ARMH3: variants seen among roughly 807,000 people sequenced by gnomAD.
The protein encoded by ARMH3 is armadillo-like helical domain-containing protein 3.
Under a neutral mutation model 99.1 loss-of-function variants are expected in ARMH3, and 60 were observed. The observed-to-expected ratio is 0.61, with a 90% CI of 0.49 to 0.75. The LOEUF (loss-of-function observed/expected upper bound fraction) is 0.75. ARMH3 is among the 30% of genes least tolerant of loss of function. The pLI, the probability that ARMH3 is intolerant of heterozygous loss-of-function variation, is 0.00. For synonymous variants in ARMH3, 285 were observed against 292.8 expected, an observed-to-expected ratio of 0.97 and a Z score of 0.27; for missense variants, 679 against 843.1, an observed-to-expected ratio of 0.81 and a Z score of 2.41.
At chr10:101,960,752 C>T (rs1222260125) in intron 20 of ARMH3, among the ~76,000 whole-genome samples, 11 of 151,570 alleles carry the variant, frequency 7.3e-5, no homozygotes, top group African/African-American at 2.4e-4. Flanking sequence ...TAGCCAGGCA[C>T]GGTGGCGGGC....
At chr10:101,942,368 G>A (rs1256501015) in intron 22 of ARMH3, among the ~76,000 whole-genome samples, 1 of 152,144 alleles carries the variant, frequency 6.6e-6, no homozygotes, top group African/African-American at 2.4e-5. Context: ...GGTAGTACTA[G>A]AACCAAGGAA....
chr10:101,989,559 A>G (rs1846672247), intron 19 of ARMH3, among the ~76,000 whole-genome samples: 1 of 151,988 alleles, frequency 6.6e-6, no homozygotes. Context: ...CATCTCTAGT[A>G]AAAATACAAA....
At chr10:101,941,476 C>T (rs1392937360) in intron 22 of ARMH3, among the ~76,000 whole-genome samples, 1 of 152,134 alleles carries the variant, frequency 6.6e-6, no homozygotes, top group African/African-American at 2.4e-5. Context: ...TCACTATGTA[C>T]GCCTGACCAA....
At chr10:102,029,499 A>C (rs1476397305) in intron 5 of ARMH3, 139 bp downstream of exon 5, 2 of 1,569,278 alleles carry the variant, frequency 1.3e-6, no homozygotes, top group Admixed American at 3.8e-5. Flanking sequence ...GTGAAATAAA[A>C]ACATCTAAAT....
rs1205043058 is a variant in ARMH3 at position 101,904,877 on chromosome 10, G to A, written c.1782-15387C>T. Among the ~76,000 whole-genome samples, 12 of 151,270 alleles carry A rather than the reference G, an allele frequency of 7.9e-5. No homozygotes were observed. In the South Asian group the frequency reaches 8.3e-4, roughly 11 times the overall value. ...TGAGGCAGGAGAATCACTTGAACTC[G>A]GGAGGCAGAGGTTGCAGTGAGCCAA... On this transcript the variant is annotated intron_variant, in intron 23 of 25. Transcript: ENST00000370033.
intron 19 of ARMH3, among the ~76,000 whole-genome samples, chr10:101,975,809 G>A (rs1453555212): frequency 2.7e-5 from 4 of 150,060 alleles, no homozygotes; most frequent in East Asian, 2.0e-4. Flanking sequence ...GCAGTGAGTC[G>A]AGATCGTGCC....
At position 101,873,012 on chromosome 10, in the gene ARMH3, T is replaced by A. The variant is rs552862891; in HGVS notation, c.1860+16400A>T. ...TATACTACATACCCAATGGCTAAAATTAAAGACTCATAATTCCCAGTGTGG... is the reference window on the plus strand; with the variant it reads ...TATACTACATACCCAATGGCTAAAAATAAAGACTCATAATTCCCAGTGTGG... On this transcript the variant is annotated intron_variant, in intron 24 of 25. Coordinates refer to ENST00000370033, the MANE Select transcript of ARMH3 (RefSeq NM_024541.3). Among the ~76,000 whole-genome samples, 3 of 151,796 alleles carry A rather than the reference T, an allele frequency of 2.0e-5. No individual in the cohort carries two copies. In the East Asian group the frequency reaches 5.8e-4, roughly 29 times the overall value.
intron 23 of ARMH3, among the ~76,000 whole-genome samples, chr10:101,895,436 C>T (rs1283323345): frequency 2.0e-5 from 3 of 152,052 alleles, no homozygotes; most frequent in Non-Finnish European, 2.9e-5. Flanking sequence ...CCCGCCACCA[C>T]GCCCGGCTAA....
intron 23 of ARMH3, among the ~76,000 whole-genome samples, chr10:101,927,351 G>C: frequency 6.6e-6 from 1 of 152,146 alleles, no homozygotes; most frequent in Non-Finnish European, 1.5e-5. Flanking sequence ...GAGAAGGAGA[G>C]AATGTACTCT....
rs1368049792 is a variant in ARMH3, at chr10:102,040,007, C to A, written c.102+6G>T. 2 of 1,612,304 alleles carry A rather than the reference C, an allele frequency of 1.2e-6. No homozygotes were observed. Among genetic ancestry groups the A allele is most frequent in the Admixed American group, 3.3e-5 (2 of 60,028 alleles). Reference sequence around the variant, plus strand: ...AAGCTGTACACAACAAGGCCGCAGGCCTTACCATGAAGATCTCATCATACA... The same window carrying A: ...AAGCTGTACACAACAAGGCCGCAGGACTTACCATGAAGATCTCATCATACA... On this transcript the variant is annotated splice_donor_region_variant and intron_variant, in intron 2 of 25. Coordinates refer to ENST00000370033, the MANE Select transcript of ARMH3 (RefSeq NM_024541.3).
chr10:101,985,659 A>G (rs1564821935), intron 19 of ARMH3, among the ~76,000 whole-genome samples: 1 of 152,042 alleles, frequency 6.6e-6, no homozygotes, highest in Non-Finnish European at 1.5e-5. Flanking sequence ...AGTTAGAGTG[A>G]GCCATAATCG....
At chr10:101,993,848 C>T (rs1007162196) in intron 16 of ARMH3, among the ~76,000 whole-genome samples, 6 of 152,162 alleles carry the variant, frequency 3.9e-5, no homozygotes, top group East Asian at 1.9e-4. Flanking sequence ...AAAATTAAGA[C>T]GCAGGGACTT....
intron 22 of ARMH3, 107 bp downstream of exon 22, chr10:101,956,490 C>T: frequency 7.1e-7 from 1 of 1,413,106 alleles, no homozygotes; most frequent in Non-Finnish European, 9.7e-7. Flanking sequence ...TTCTGTGCCA[C>T]ACAGGGCACC....
chr10:102,046,103 AT>A (rs1189863316), intron 1 of ARMH3, among the ~76,000 whole-genome samples: 2 of 151,898 alleles, frequency 1.3e-5, no homozygotes, highest in Non-Finnish European at 2.9e-5. Context: ...TTCAAAAAAA[AT>A]AAAAATAAAA....
rs7091227 is a variant in ARMH3, at chr10:102,025,156, G to A, written c.507C>T (p.Thr169=). 4.9e-4 allele frequency: 788 copies of A among 1,610,534 alleles called. 4 individuals are homozygous for A. In the African/African-American group the frequency reaches 8.5e-3, roughly 17 times the overall value. ...LCLKLLLCLV[T]VTDNISQNTI... ...CCCTTGACAAACATAGGTCACTTACGGTCACTAAGCAAAGGAGAAGTTTCA... is the reference window on the plus strand; with the variant it reads ...CCCTTGACAAACATAGGTCACTTACAGTCACTAAGCAAAGGAGAAGTTTCA... Residue 169 remains threonine (T), a splice_region_variant and synonymous_variant, in exon 6 of 26, where the codon ACC becomes ACT. Transcript: ENST00000370033.
intron 23 of ARMH3, among the ~76,000 whole-genome samples, chr10:101,929,171 G>C (rs1034402066): frequency 6.6e-6 from 1 of 152,294 alleles, no homozygotes; most frequent in Admixed American, 6.5e-5. Context: ...TCTAAGTACT[G>C]TGTCCTTTCA....
chr10:101,912,569 T>G (rs1354448800), intron 23 of ARMH3, among the ~76,000 whole-genome samples: 1 of 152,216 alleles, frequency 6.6e-6, no homozygotes, highest in African/African-American at 2.4e-5. Flanking sequence ...TAGTAACTTG[T>G]AGACTCCATC....
At chr10:101,850,104 T>C (rs1180211850) in intron 24 of ARMH3, among the ~76,000 whole-genome samples, 1 of 145,596 alleles carries the variant, frequency 6.9e-6, no homozygotes, top group East Asian at 2.0e-4. Context: ...TTTTTTTTTT[T>C]TTTTTTTTTT....
chr10:101,885,463 T>C (rs1342592400), intron 24 of ARMH3, among the ~76,000 whole-genome samples: 1 of 152,154 alleles, frequency 6.6e-6, no homozygotes, highest in Admixed American at 6.6e-5. Context: ...AGGAACAAAA[T>C]TGTGGCACAT....
Sources: allele counts gnomAD v4.1 joint callset (sites outside exome capture counted in the v4.1 genomes callset), GRCh38; gene constraint gnomAD v4.1.1; transcripts MANE v1.5; gene names NCBI Gene and HGNC (gene_info 2026-07-23, HGNC 2026-07-21).